LONP2: variants seen among roughly 807,000 people sequenced by gnomAD.
The protein encoded by LONP2 is lon protease homolog 2, peroxisomal.
In LONP2, 60 loss-of-function variants were observed where a neutral mutation model predicts 85.6. The observed-to-expected ratio is 0.70, with a 90% CI of 0.57 to 0.87. LONP2 has a LOEUF of 0.87. Ranked by LOEUF, LONP2 falls within the 40% of genes least tolerant of loss-of-function variation. The probability of loss-of-function intolerance (pLI) is 0.00; values close to 1 mark genes in which losing one functional copy is unlikely to be tolerated. For missense variants in LONP2, 860 were observed against 1,063.5 expected (o/e 0.81, Z 2.66); for synonymous variants, 395 against 389.7 (o/e 1.01, Z -0.16).
chr16:48,244,413 A>G lies in LONP2; in HGVS notation c.25A>G (p.Ile9Val), dbSNP rs201209448. ...CATGTCATCAGTGAGCCCCATCCAG[A>G]TCCCCAGTCGCCTCCCGCTGCTGCT... is the stretch of plus-strand genomic sequence containing the variant. Reference protein sequence around the residue: MSSVSPIQIPSRLPLLLTH... With the variant: MSSVSPIQVPSRLPLLLTH... Residue 9 changes from isoleucine to valine, a missense_variant, in exon 1 of 15, where the codon ATC becomes GTC. By Grantham distance (29) the Ile-to-Val change is conservative. Around this residue, in one of 3 missense-constraint regions of LONP2, gnomAD observed 743 missense variants for 917.3 expected, o/e 0.81. Coordinates refer to ENST00000285737, the MANE Select transcript of LONP2 (RefSeq NM_031490.5). The G allele has an allele frequency of 2.5e-6, 4 of 1,578,850 alleles. No homozygotes were observed. Among genetic ancestry groups the G allele is most frequent in the Non-Finnish European group, 8.6e-7 (1 of 1,168,188 alleles).
chr16:48,313,714 T>C (rs551604309), intron 11 of LONP2, among the ~76,000 whole-genome samples: 2 of 152,360 alleles, frequency 1.3e-5, no homozygotes, highest in South Asian at 4.1e-4. Flanking sequence ...ACATTTTCTT[T>C]ATCCAGTCTG....
intron 10 of LONP2, among the ~76,000 whole-genome samples, chr16:48,302,036 T>C (rs574318240): frequency 7.2e-5 from 11 of 152,352 alleles, no homozygotes; most frequent in Admixed American, 5.2e-4. Context: ...GTTCATGGTA[T>C]AGGAAGCCCA....
chr16:48,351,697 TTTAAG>T lies in LONP2; in HGVS notation c.2457_2461del (p.Leu819PhefsTer9). 6.2e-7 allele frequency: 1 copy of T among 1,614,208 alleles called. No homozygotes were observed. Among genetic ancestry groups the T allele is most frequent in the Non-Finnish European group, 8.5e-7 (1 of 1,180,026 alleles). Reference sequence around the variant, plus strand: ...GAATCCCAGGCAACGTACGACAGGATTTAAGTTTTGTCACAGCAAGCTGCCTGGAT... The same window carrying T: ...GAATCCCAGGCAACGTACGACAGGATTTTTGTCACAGCAAGCTGCCTGGAT... On this transcript the variant is annotated frameshift_variant, in exon 15 of 15. Coordinates refer to ENST00000285737, the MANE Select transcript of LONP2 (RefSeq NM_031490.5). LOFTEE classifies it high-confidence loss of function.
chr16:48,336,911 A>G (rs1959665924), intron 12 of LONP2, among the ~76,000 whole-genome samples: 1 of 151,884 alleles, frequency 6.6e-6, no homozygotes, highest in Admixed American at 6.6e-5. Flanking sequence ...GAAAGTGAGA[A>G]CTCACCCTGT....
At chr16:48,298,626 GGTGTGTGTGTGTGTGTGTGT>G (rs3138605) in intron 9 of LONP2, among the ~76,000 whole-genome samples, 4 of 134,322 alleles carry the variant, frequency 3.0e-5, no homozygotes, top group South Asian at 5.2e-4. Flanking sequence ...ATTTAATTGA[GGTGTGTGTGTGTGTGTGTGT>G]GTGTGTGTGT....
chr16:48,319,587 G>C (rs1973219490), intron 11 of LONP2, among the ~76,000 whole-genome samples: 1 of 152,116 alleles, frequency 6.6e-6, no homozygotes, highest in Non-Finnish European at 1.5e-5. Context: ...GACTTGGCCA[G>C]AGCCTTCAGT....
rs1972073804 is a variant in LONP2, at chr16:48,270,165, G to A, written c.1132G>A (p.Gly378Arg). The A allele has an allele frequency of 6.2e-7, 1 of 1,614,008 alleles. No individual in the cohort carries two copies. Among genetic ancestry groups the A allele is most frequent in the Non-Finnish European group, 8.5e-7 (1 of 1,179,970 alleles). Residue 378 changes from glycine (G) to arginine (R), a missense_variant, in exon 7 of 15, where the codon GGA becomes AGA. Around this residue, in one of 3 missense-constraint regions of LONP2, gnomAD observed 743 missense variants for 917.3 expected, o/e 0.81. Transcript: ENST00000285737. ...AATCCTATGCTTTGTTGGCCCTCCT[G>A]GAGTTGGTAAAACAAGTGTGGGAAG... ...GPILCFVGPP[G>R]VGKTSVGRSV... is the part of the protein sequence containing the mutation.
At position 48,255,259 on chromosome 16, in the gene LONP2, T is replaced by C. The variant is rs1180484763; in HGVS notation, c.469-1351T>C. Among the ~76,000 whole-genome samples the C allele has an allele frequency of 2.6e-5, 4 of 152,086 alleles. No individual in the cohort carries two copies. In the East Asian group the frequency reaches 7.7e-4, roughly 29 times the overall value. ...CACTCGGACCCAGGTGGATTGGAGATTCATCTAAAGACATGCTTCCCTTAT... is the reference window on the plus strand; with the variant it reads ...CACTCGGACCCAGGTGGATTGGAGACTCATCTAAAGACATGCTTCCCTTAT... On this transcript the variant is annotated intron_variant, in intron 2 of 14. Transcript: ENST00000285737.
chr16:48,303,166 T>G lies in LONP2; in HGVS notation c.1662-6T>G. On this transcript the variant is annotated splice_polypyrimidine_tract_variant and splice_region_variant and intron_variant, in intron 10 of 14. Coordinates refer to ENST00000285737, the MANE Select transcript of LONP2 (RefSeq NM_031490.5). ...TCAAAAATAAAATATTTTTGTTTGA[T>G]GACAGGTATACCAGAGAGGCAGGGG... 6.2e-7 allele frequency: 1 copy of G among 1,613,586 alleles called. No homozygotes were observed. Among genetic ancestry groups the G allele is most frequent in the South Asian group, 1.1e-5 (1 of 91,072 alleles).
At chr16:48,314,503 G>A (rs1973100856) in intron 11 of LONP2, among the ~76,000 whole-genome samples, 1 of 152,008 alleles carries the variant, frequency 6.6e-6, no homozygotes, top group Non-Finnish European at 1.5e-5. Context: ...TGTAAGGAAG[G>A]GGTCCAGTTT....
intron 8 of LONP2, among the ~76,000 whole-genome samples, chr16:48,280,309 G>A (rs1032294398): frequency 1.3e-5 from 2 of 152,112 alleles, no homozygotes; most frequent in South Asian, 4.1e-4. Context: ...TAATTTTAGA[G>A]TATTCCCCTG....
chr16:48,265,972 A>G (rs1178006988), intron 6 of LONP2, among the ~76,000 whole-genome samples: 1 of 152,062 alleles, frequency 6.6e-6, no homozygotes, highest in Admixed American at 6.6e-5. Context: ...TTCTGAAACT[A>G]TTGTAAATGA....
chr16:48,269,200 G>T lies in LONP2; in HGVS notation c.983-816G>T, dbSNP rs74016365. 9.6e-3 allele frequency among the ~76,000 whole-genome samples: 1,204 copies of T among 125,780 alleles called. 14 individuals are homozygous for T. Among genetic ancestry groups the T allele is most frequent in the African/African-American group, 0.033 (1,127 of 33,656 alleles). 82.5% of individuals were successfully genotyped at this position (125,780 alleles called of 152,430 possible). ...AATTAGGCAATTCTTTACATCATCT[G>T]TTTTTTTTTTTTTTTTTGACCCAGC... On this transcript the variant is annotated intron_variant, in intron 6 of 14. Coordinates refer to ENST00000285737, the MANE Select transcript of LONP2 (RefSeq NM_031490.5).
chr16:48,253,207 C>A (rs760639944), intron 2 of LONP2, among the ~76,000 whole-genome samples: 51 of 152,182 alleles, frequency 3.4e-4, no homozygotes, highest in Admixed American at 7.9e-4. Flanking sequence ...CGCTGGTGCA[C>A]ACCTGTAATC....
intron 11 of LONP2, among the ~76,000 whole-genome samples, chr16:48,316,471 C>T (rs1439571934): frequency 4.6e-5 from 7 of 150,636 alleles, no homozygotes; most frequent in Non-Finnish European, 8.9e-5. Flanking sequence ...GGATTACAGG[C>T]GCCCGCCACC....
At chr16:48,269,607 G>C (rs2150976150) in intron 6 of LONP2, among the ~76,000 whole-genome samples, 1 of 152,186 alleles carries the variant, frequency 6.6e-6, no homozygotes, top group East Asian at 1.9e-4. Flanking sequence ...GAGATTATGG[G>C]TAACTGTTTT....
At chr16:48,280,091 T>A (rs1181496765) in intron 8 of LONP2, among the ~76,000 whole-genome samples, 4 of 152,216 alleles carry the variant, frequency 2.6e-5, no homozygotes, top group Admixed American at 6.5e-5. Context: ...TTTGGTTCAG[T>A]TTTGCTACTT....
At chr16:48,348,486 CCT>C (rs1960040487) in intron 14 of LONP2, among the ~76,000 whole-genome samples, 196 bp downstream of exon 14, 2 of 133,126 alleles carry the variant, frequency 1.5e-5, no homozygotes, top group East Asian at 2.0e-4. Flanking sequence ...TTCACATTTT[CCT>C]TTTTTTTTTT....
At chr16:48,281,310 T>G (rs1972322475) in intron 8 of LONP2, among the ~76,000 whole-genome samples, 1 of 152,300 alleles carries the variant, frequency 6.6e-6, no homozygotes, top group African/African-American at 2.4e-5. Flanking sequence ...TAAAACAGAA[T>G]GTATTTCAAG....
Sources: gnomAD v4.1 joint callset for allele counts (sites outside exome capture counted in the v4.1 genomes callset) on GRCh38, gnomAD v4.1.1 for gene constraint, gnomAD v4.1.1 regional missense constraint, MANE v1.5 for transcripts, NCBI Gene and HGNC (gene_info 2026-07-23, HGNC 2026-07-21) for gene names.